EDA: variants seen among roughly 807,000 people sequenced by gnomAD.
The protein encoded by EDA is ectodysplasin A.
EDA carries 2 observed loss-of-function variants against 23.6 expected under a neutral mutation model. That is an observed-to-expected ratio of 0.08 (90% CI 0.03 to 0.27). The LOEUF is 0.27. Among genes scored for constraint, EDA ranks in the 10% least tolerant of loss-of-function variants. The probability of loss-of-function intolerance (pLI) is 1.00; values close to 1 mark genes in which losing one functional copy is unlikely to be tolerated. For missense variants in EDA, 229 were observed against 324.2 expected (o/e 0.71, Z 2.26); for synonymous variants, 131 against 132.0 (o/e 0.99, Z 0.05).
intron 2 of EDA, among the ~76,000 whole-genome samples, chrX:69,988,301 A>C (rs779925577): frequency 1.8e-5 from 2 of 112,112 alleles, no homozygotes; most frequent in South Asian, 7.5e-4. Flanking sequence ...AATGGGTACA[A>C]AAAATAGTTA....
intron 1 of EDA, among the ~76,000 whole-genome samples, chrX:69,817,317 T>C (rs4408060): frequency 0.46 from 50,001 of 109,790 alleles, 8,798 homozygotes; most frequent in East Asian, 0.72. Context: ...TAAACAAGTC[T>C]GCAGAATAAC....
chrX:69,796,893 C>G (rs1425481427), intron 1 of EDA, among the ~76,000 whole-genome samples: 1 of 110,383 alleles, frequency 9.1e-6, no homozygotes, highest in East Asian at 2.9e-4. Context: ...AAGAACCAAA[C>G]AAATTCTGGA....
intron 1 of EDA, among the ~76,000 whole-genome samples, chrX:69,684,615 T>C (rs1321395363): frequency 1.8e-5 from 2 of 112,046 alleles, no homozygotes. Context: ...TTTCCTTCAT[T>C]CAATATATAC....
At chrX:69,937,636 C>T in intron 1 of EDA, 1 of 1,111,151 alleles carries the variant, frequency 9.0e-7, no homozygotes, top group African/African-American at 1.8e-5. Context: ...ATTCCTTCCT[C>T]ATCATGTTTT....
intron 1 of EDA, among the ~76,000 whole-genome samples, chrX:69,683,869 A>G (rs980130621): frequency 7.1e-4 from 80 of 112,683 alleles, no homozygotes; most frequent in African/African-American, 2.5e-3. Flanking sequence ...TAGAAAGACT[A>G]TGCTTTTTTA....
chrX:69,967,417 G>A (rs1051994006), intron 2 of EDA, among the ~76,000 whole-genome samples: 2 of 111,564 alleles, frequency 1.8e-5, no homozygotes, highest in African/African-American at 3.3e-5. Context: ...TATAATGATC[G>A]GGGAAGAAGA....
chrX:69,696,039 A>G (rs186811758), intron 1 of EDA, among the ~76,000 whole-genome samples: 395 of 110,160 alleles, frequency 3.6e-3, no homozygotes, highest in African/African-American at 0.012. Context: ...CAGGATTTCG[A>G]GACCAGCCTG....
chrX:69,909,714 T>C (rs1206438354), intron 1 of EDA, among the ~76,000 whole-genome samples: 1 of 112,613 alleles, frequency 8.9e-6, no homozygotes, highest in African/African-American at 3.2e-5. Flanking sequence ...TAAGTCAATA[T>C]TTATTTTGAA....
chrX:69,855,493 A>T (rs757066353), intron 1 of EDA, among the ~76,000 whole-genome samples: 3 of 111,820 alleles, frequency 2.7e-5, no homozygotes, highest in Non-Finnish European at 3.8e-5. Flanking sequence ...ATTTTTCTAT[A>T]TAGTATAAGG....
At chrX:69,795,874 C>T (rs1255523541) in intron 1 of EDA, among the ~76,000 whole-genome samples, 3 of 112,160 alleles carry the variant, frequency 2.7e-5, no homozygotes, top group Non-Finnish European at 5.6e-5. Flanking sequence ...CAGCTCCGCC[C>T]CCTCCCCCAT....
At chrX:69,928,270 G>A (rs1482392305) in intron 1 of EDA, among the ~76,000 whole-genome samples, 2 of 111,537 alleles carry the variant, frequency 1.8e-5, no homozygotes, top group Non-Finnish European at 3.8e-5. Context: ...GACTCTCCAA[G>A]TAATTCTGAT....
chrX:70,022,253 G>A (rs2020044585), intron 2 of EDA, among the ~76,000 whole-genome samples: 1 of 111,624 alleles, frequency 9.0e-6, no homozygotes, highest in Non-Finnish European at 1.9e-5. Flanking sequence ...ATTTTCCTTA[G>A]AAGTAATTTC....
chrX:69,931,279 G>A (rs2018594534), intron 1 of EDA, among the ~76,000 whole-genome samples: 1 of 111,524 alleles, frequency 9.0e-6, no homozygotes, highest in African/African-American at 3.3e-5. Flanking sequence ...AATACAGCAT[G>A]GAAGAAAATA....
intron 2 of EDA, among the ~76,000 whole-genome samples, chrX:69,992,330 G>A (rs1237925161): frequency 8.9e-6 from 1 of 111,907 alleles, no homozygotes; most frequent in African/African-American, 3.2e-5. Context: ...AAGGAAGAAG[G>A]CATCTTGTCC....
intron 1 of EDA, among the ~76,000 whole-genome samples, chrX:69,677,804 G>A: frequency 9.0e-6 from 1 of 111,372 alleles, no homozygotes; most frequent in Non-Finnish European, 1.9e-5. Flanking sequence ...AGTTTCTTTT[G>A]CTGTGCAGCT....
In EDA at chrX:69,999,280, C is replaced by G. The variant is rs144052917; in HGVS notation, c.503-23938C>G. On this transcript the variant is annotated intron_variant, in intron 2 of 7. Transcript: ENST00000374552. ...TAATGAAGGATACTGGACTTTTTTT[C>G]TACCAGGGAGAAAAAAGTCACCCAA... Among the ~76,000 whole-genome samples the G allele has an allele frequency of 4.0e-4, 44 of 111,099 alleles. No homozygotes were observed. The East Asian group carries it at 0.012, about 31-fold the overall frequency.
intron 1 of EDA, among the ~76,000 whole-genome samples, chrX:69,949,928 C>T (rs2018889358): frequency 9.1e-6 from 1 of 109,516 alleles, no homozygotes; most frequent in African/African-American, 3.3e-5. Flanking sequence ...ACACCTTATA[C>T]AAAAATCAAT....
chrX:69,753,044 T>C (rs1226710778), intron 1 of EDA, among the ~76,000 whole-genome samples: 7 of 109,385 alleles, frequency 6.4e-5, no homozygotes, highest in African/African-American at 2.0e-4. Flanking sequence ...GATTCATTGA[T>C]TTTTTGAAGG....
chrX:69,826,930 A>G (rs1472411528), intron 1 of EDA, among the ~76,000 whole-genome samples: 7 of 112,352 alleles, frequency 6.2e-5, no homozygotes, highest in East Asian at 2.8e-4. Flanking sequence ...GCTTTTCTGT[A>G]AAGTATTTTA....
Sources: gnomAD v4.1 joint callset for allele counts (sites outside exome capture counted in the v4.1 genomes callset) on GRCh38, gnomAD v4.1.1 for gene constraint, MANE v1.5 for transcripts, NCBI Gene and HGNC (gene_info 2026-07-23, HGNC 2026-07-21) for gene names.